The following ZNF320 variants were observed in gnomAD, a reference collection of about 807,000 sequenced individuals.
ZNF320 encodes zinc finger gene 320.
ZNF320 carries 2 observed loss-of-function variants against 6.8 expected under a neutral mutation model. That is an observed-to-expected ratio of 0.29 (90% CI 0.12 to 0.93). The LOEUF (loss-of-function observed/expected upper bound fraction) is 0.93. Among genes scored for constraint, ZNF320 ranks in the 40% least tolerant of loss-of-function variants. The pLI is 0.55. For missense variants in ZNF320, 472 were observed against 611.0 expected (o/e 0.77, Z 2.40); for synonymous variants, 208 against 203.2 (o/e 1.02, Z -0.20).
At position 52,880,612 on chromosome 19, in the gene ZNF320, G is replaced by A. The variant is rs796626320; in HGVS notation, c.1514C>T (p.Pro505Leu). The A allele has an allele frequency of 6.2e-7, 1 of 1,601,730 alleles. No individual in the cohort carries two copies. The highest frequency in any genetic ancestry group is 8.5e-7 in the Non-Finnish European group (1 of 1,175,084). Residue 505 changes from proline (P) to leucine (L), a missense_variant, in exon 6 of 6, where the codon CCA becomes CTA. By Grantham distance (98) the Pro-to-Leu change is moderately conservative. Around this residue, in one of 2 missense-constraint regions of ZNF320, gnomAD observed 462 missense variants for 559.7 expected, o/e 0.83. Transcript: ENST00000682928. ...NCFKCNEYSK[P>L]SSIN Reference sequence around the variant, plus strand: ...ACTCTGATGTCAATTAATGCTTGATGGTTTGCTATACTCATTGCACTTGAA... The same window carrying A: ...ACTCTGATGTCAATTAATGCTTGATAGTTTGCTATACTCATTGCACTTGAA...
At position 52,877,216 on chromosome 19, in the gene ZNF320, G is replaced by C. The variant is rs2063789965; in HGVS notation, c.*3380C>G. 1 of 152,238 alleles carries C rather than the reference G, an allele frequency of 6.6e-6. No homozygotes were observed. The highest frequency in any genetic ancestry group is 1.5e-5 in the Non-Finnish European group (1 of 68,090). 9.4% of individuals were successfully genotyped at this position (152,238 alleles called of 1,614,324 possible). A position where few individuals can be genotyped will look rare whatever the true frequency, so the allele number is the denominator to read the frequency against. On this transcript the variant is annotated 3_prime_UTR_variant, in exon 6 of 6. Transcript: ENST00000682928. ...GGTCCTGATGACGTGTGTCCATGGTGTTGAGGCTGCAGTTTGGTTTCACAC... is the reference window on the plus strand; with the variant it reads ...GGTCCTGATGACGTGTGTCCATGGTCTTGAGGCTGCAGTTTGGTTTCACAC...
upstream of ZNF320, among the ~76,000 whole-genome samples, chr19:52,902,021 G>A (rs2064572911): frequency 6.8e-6 from 1 of 148,038 alleles, no homozygotes; most frequent in Admixed American, 6.8e-5. Flanking sequence ...TCTGGTTGAT[G>A]AAATACCAGG....
chr19:52,862,459 G>T, exon 6 of ZNF320: 1 of 384,990 alleles, frequency 2.6e-6, no homozygotes, highest in South Asian at 2.1e-5. Context: ...GAACTGCAAG[G>T]TATGAATGAT....
At chr19:52,871,766 G>T (rs2063685024), downstream of ZNF320, among the ~76,000 whole-genome samples, 1 of 152,200 alleles carries the variant, frequency 6.6e-6, no homozygotes, top group African/African-American at 2.4e-5. Context: ...AATGAGATCT[G>T]AGCAAATGCT....
In ZNF320 at chr19:52,893,856, C is replaced by G. The variant is rs572063766; in HGVS notation, c.-269G>C. 1 of 152,208 alleles carries G rather than the reference C, an allele frequency of 6.6e-6. No individual in the cohort carries two copies. Among genetic ancestry groups the G allele is most frequent in the South Asian group, 2.1e-4 (1 of 4,822 alleles). 9.4% of individuals were successfully genotyped at this position (152,208 alleles called of 1,614,324 possible). On this transcript the variant is annotated splice_region_variant and 5_prime_UTR_variant, in exon 2 of 6. Transcript: ENST00000682928. ...TCAAGATCGCACAACTGCCCTCCAG[C>G]CTGGGGGACACAGCGAAACTCCATC...
At chr19:52,866,869 C>CAAAAAAAAAAAA (rs58231328) in intron 5 of ZNF320, among the ~76,000 whole-genome samples, 67 of 108,828 alleles carry the variant, frequency 6.2e-4, no homozygotes, top group Admixed American at 7.7e-4. Flanking sequence ...ACAAAACATA[C>CAAAAAAAAAAAA]AAAAAAAAAA....
rs1372363106 is a variant in ZNF320, at chr19:52,879,073, C to A, written c.*1523G>T. On this transcript the variant is annotated 3_prime_UTR_variant, in exon 6 of 6. Coordinates refer to ENST00000682928, the MANE Select transcript of ZNF320 (RefSeq NM_001351774.2). ...AGTCTCTTTTCAAACTCATGTCTTA[C>A]CCATCTGAGTGCCTCAAACCAAACC... 1 of 152,150 alleles carries A rather than the reference C, an allele frequency of 6.6e-6. No individual in the cohort carries two copies. The highest frequency in any genetic ancestry group is 6.5e-5 in the Admixed American group (1 of 15,272). 9.4% of individuals were successfully genotyped at this position (152,150 alleles called of 1,614,324 possible). A position where few individuals can be genotyped will look rare whatever the true frequency, so the allele number is the denominator to read the frequency against.
At chr19:52,900,783 G>A (rs1030430782), upstream of ZNF320, among the ~76,000 whole-genome samples, 1 of 152,004 alleles carries the variant, frequency 6.6e-6, no homozygotes, top group Non-Finnish European at 1.5e-5. Context: ...CCCCACTCAT[G>A]CAAGAGGGGC....
At position 52,887,438 on chromosome 19, in the gene ZNF320, A is replaced by C. The variant is rs983887806; in HGVS notation, c.142+689T>G. 2.6e-5 allele frequency among the ~76,000 whole-genome samples: 4 copies of C among 152,206 alleles called. No individual in the cohort carries two copies. In the East Asian group the frequency reaches 5.8e-4, roughly 22 times the overall value. On this transcript the variant is annotated intron_variant, in intron 5 of 5. Transcript: ENST00000682928. ...ACAGGTGGATCTAGGAAAATATTTC[A>C]CAAATTCCTCCACTGACTGCCTCAT...
At chr19:52,882,051 A>G (rs1426741362) in intron 5 of ZNF320, 68 bp from the exon 6 acceptor site, 1 of 1,407,368 alleles carries the variant, frequency 7.1e-7, no homozygotes, top group African/African-American at 1.4e-5. Flanking sequence ...AAATGTATAA[A>G]TATCACACAC....
upstream of ZNF320, among the ~76,000 whole-genome samples, chr19:52,902,687 C>T (rs547035826): frequency 6.6e-6 from 1 of 152,282 alleles, no homozygotes; most frequent in African/African-American, 2.4e-5. Context: ...CTAAATTTTA[C>T]TTTTATATTA....
intron 5 of ZNF320, among the ~76,000 whole-genome samples, chr19:52,866,886 AAAAAG>A (rs1276304955): frequency 6.7e-6 from 1 of 148,650 alleles, no homozygotes; most frequent in East Asian, 2.0e-4. Context: ...AAAAAAAAAA[AAAAAG>A]AAAAGAAATG....
At chr19:52,883,066 G>A (rs181308634) in intron 5 of ZNF320, among the ~76,000 whole-genome samples, 265 of 151,860 alleles carry the variant, frequency 1.7e-3, no homozygotes, top group Non-Finnish European at 3.0e-3. Context: ...TTTTGAGATG[G>A]AGTCTCACTC....
At chr19:52,859,530 G>A (rs1437186837), downstream of ZNF320, among the ~76,000 whole-genome samples, 1 of 152,182 alleles carries the variant, frequency 6.6e-6, no homozygotes, top group East Asian at 1.9e-4. Flanking sequence ...CAAAGTTTGA[G>A]GATAGCCATC....
At chr19:52,871,305 G>A (rs751363005), downstream of ZNF320, among the ~76,000 whole-genome samples, 2 of 151,990 alleles carry the variant, frequency 1.3e-5, no homozygotes, top group Non-Finnish European at 2.9e-5. Flanking sequence ...AAGCCACAGA[G>A]CGATATTTTC....
At chr19:52,889,159 G>A (rs1283567254) in intron 4 of ZNF320, among the ~76,000 whole-genome samples, 1 of 151,774 alleles carries the variant, frequency 6.6e-6, no homozygotes, top group African/African-American at 2.4e-5. Context: ...ACTCCAGCCT[G>A]GTGACAGAGT....
chr19:52,890,135 A>C (rs2064239639), intron 4 of ZNF320, 106 bp downstream of exon 4: 1 of 1,516,922 alleles, frequency 6.6e-7, no homozygotes, highest in Admixed American at 1.8e-5. Context: ...ATTGTGAGCA[A>C]ACCTGTCAGG....
Position 52,880,486 on chromosome 19 carries a change from A to T in ZNF320, c.*110T>A. On this transcript the variant is annotated 3_prime_UTR_variant, in exon 6 of 6. Transcript: ENST00000682928. ...AAAGTGCTGGGATTACAGGTGTGAGACACCACGCCTGGCCCAATCCTCTTA... is the reference window on the plus strand; with the variant it reads ...AAAGTGCTGGGATTACAGGTGTGAGTCACCACGCCTGGCCCAATCCTCTTA... 1 of 1,108,906 alleles carries T rather than the reference A, an allele frequency of 9.0e-7. No homozygotes were observed. Among genetic ancestry groups the T allele is most frequent in the Non-Finnish European group, 1.3e-6 (1 of 782,800 alleles). 68.7% of individuals were successfully genotyped at this position (1,108,906 alleles called of 1,614,324 possible). A position where few individuals can be genotyped will look rare whatever the true frequency, so the allele number is the denominator to read the frequency against.
chr19:52,867,831 C>G (rs1042543468), intron 5 of ZNF320, among the ~76,000 whole-genome samples: 2 of 151,934 alleles, frequency 1.3e-5, no homozygotes, highest in African/African-American at 4.8e-5. Flanking sequence ...AGGCTGGTCT[C>G]GAAGTCCTGA....
Sources: allele counts gnomAD v4.1 joint callset (sites outside exome capture counted in the v4.1 genomes callset), GRCh38; gene constraint gnomAD v4.1.1; regional missense constraint gnomAD v4.1.1; transcripts MANE v1.5; gene names NCBI Gene and HGNC (gene_info 2026-07-23, HGNC 2026-07-21).